GABRB1: variants seen among roughly 807,000 people sequenced by gnomAD.
The protein encoded by GABRB1 is gamma-aminobutyric acid receptor subunit beta-1.
Under a neutral mutation model 51.6 loss-of-function variants are expected in GABRB1, and 17 were observed. The observed-to-expected ratio is 0.33, with a 90% CI of 0.23 to 0.49. The LOEUF (loss-of-function observed/expected upper bound fraction) is 0.49, where lower values mean the gene tolerates loss of function less well. Among genes scored for constraint, GABRB1 ranks in the 20% least tolerant of loss-of-function variants. The probability of loss-of-function intolerance (pLI) is 0.99; values close to 1 mark genes in which losing one functional copy is unlikely to be tolerated. For synonymous variants in GABRB1, 247 were observed against 218.9 expected (o/e 1.13, Z -1.14); for missense variants, 410 against 600.6 (o/e 0.68, Z 3.32).
At position 47,350,084 on chromosome 4, in the gene GABRB1, G is replaced by A. The variant is rs545113351; in HGVS notation, c.544+29875G>A. 4.6e-5 allele frequency among the ~76,000 whole-genome samples: 7 copies of A among 150,582 alleles called. No individual in the cohort carries two copies. The South Asian group carries it at 1.5e-3, about 32-fold the overall frequency. Reference sequence around the variant, plus strand: ...AAAGTGACTGCAATATGCTTTATTGGTCTCAGATAAATTAATATTTGAAAA... The same window carrying A: ...AAAGTGACTGCAATATGCTTTATTGATCTCAGATAAATTAATATTTGAAAA... On this transcript the variant is annotated intron_variant, in intron 5 of 8. Coordinates refer to ENST00000295454, the MANE Select transcript of GABRB1 (RefSeq NM_000812.4).
chr4:47,297,816 T>G (rs1478687454), intron 4 of GABRB1, among the ~76,000 whole-genome samples: 1 of 152,138 alleles, frequency 6.6e-6, no homozygotes, highest in East Asian at 1.9e-4. Context: ...AAAAGAGAAT[T>G]TTAGACCAAT....
chr4:47,090,863 T>C (rs932142977), intron 3 of GABRB1, among the ~76,000 whole-genome samples: 5 of 152,184 alleles, frequency 3.3e-5, no homozygotes, highest in African/African-American at 1.2e-4. Flanking sequence ...ACTTCCCTAC[T>C]CTTCTTTCAT....
At chr4:47,334,954 A>C (rs1445526526) in intron 5 of GABRB1, among the ~76,000 whole-genome samples, 1 of 152,162 alleles carries the variant, frequency 6.6e-6, no homozygotes, top group Non-Finnish European at 1.5e-5. Context: ...ATCTTTTTGT[A>C]ATATCTTCCT....
chr4:47,343,528 G>T (rs748013159), intron 5 of GABRB1, among the ~76,000 whole-genome samples: 3 of 152,258 alleles, frequency 2.0e-5, no homozygotes, highest in Non-Finnish European at 4.4e-5. Context: ...TTCCAAATTT[G>T]TTGAATGCTG....
rs1274533974 is a variant in GABRB1 at position 47,374,771 on chromosome 4, A to T, written c.545-28547A>T. ...TGAAGGCAAGTTTTTTTTTCCCCAC[A>T]GAGTGTATGCAAGATCTGTACACAT... On this transcript the variant is annotated intron_variant, in intron 5 of 8. Transcript: ENST00000295454. 5.3e-5 allele frequency among the ~76,000 whole-genome samples: 8 copies of T among 152,236 alleles called. No individual in the cohort carries two copies. In the East Asian group the frequency reaches 1.5e-3, roughly 29 times the overall value.
chr4:47,064,615 G>A (rs1472356914), intron 3 of GABRB1, among the ~76,000 whole-genome samples: 2 of 107,702 alleles, frequency 1.9e-5, no homozygotes, highest in Non-Finnish European at 3.4e-5. Context: ...TCCAGCCTGG[G>A]AAATAAGAGC....
chr4:47,062,616 C>T (rs1181612717), intron 3 of GABRB1, among the ~76,000 whole-genome samples: 1 of 151,866 alleles, frequency 6.6e-6, no homozygotes, highest in Non-Finnish European at 1.5e-5. Flanking sequence ...TAACTCTTTC[C>T]AATACATTCA....
chr4:47,116,179 A>G (rs1577921393), intron 3 of GABRB1, among the ~76,000 whole-genome samples: 1 of 152,316 alleles, frequency 6.6e-6, no homozygotes, highest in African/African-American at 2.4e-5. Flanking sequence ...ACAACTAGTT[A>G]CTTAATGCAG....
rs1289218229 is a variant in GABRB1 at position 47,260,697 on chromosome 4, CT to C, written c.462-59429del. 9.2e-5 allele frequency among the ~76,000 whole-genome samples: 14 copies of C among 152,294 alleles called. 1 individual carries two copies. The South Asian group carries it at 2.7e-3, about 29-fold the overall frequency. The stretch of plus-strand genomic sequence containing the variant: ...TGTAGAGTTTCTGCCAAGAGATCCG[CT>C]GTTAGTCTGATGGGCTTCGATACCA... On this transcript the variant is annotated intron_variant, in intron 4 of 8. Transcript: ENST00000295454.
chr4:47,201,658 T>A (rs1719901543), intron 4 of GABRB1, among the ~76,000 whole-genome samples: 1 of 152,162 alleles, frequency 6.6e-6, no homozygotes, highest in South Asian at 2.1e-4. Flanking sequence ...ATATGTTTTA[T>A]TATTATGCCT....
chr4:47,205,589 C>A (rs1405399791), intron 4 of GABRB1, among the ~76,000 whole-genome samples: 2 of 152,138 alleles, frequency 1.3e-5, no homozygotes. Flanking sequence ...AGGGATAGTT[C>A]TGTAGGTCAT....
chr4:47,015,802 T>C (rs1236799461), intron 1 of GABRB1, among the ~76,000 whole-genome samples: 1 of 152,240 alleles, frequency 6.6e-6, no homozygotes, highest in Non-Finnish European at 1.5e-5. Context: ...CTGCAAATAT[T>C]TATTCATTTT....
chr4:47,409,312 C>A (rs1728681267), intron 8 of GABRB1, among the ~76,000 whole-genome samples: 1 of 152,100 alleles, frequency 6.6e-6, no homozygotes, highest in South Asian at 2.1e-4. Flanking sequence ...GTCACATGGA[C>A]AAGTTGAAGG....
intron 4 of GABRB1, among the ~76,000 whole-genome samples, chr4:47,227,500 AATTAGATAGAG>A (rs1387040711): frequency 2.6e-5 from 4 of 152,174 alleles, no homozygotes; most frequent in Non-Finnish European, 5.9e-5. Flanking sequence ...AAGGAGGAAG[AATTAGATAGAG>A]AATCTGAACT....
At chr4:47,243,290 G>T (rs943147200) in intron 4 of GABRB1, among the ~76,000 whole-genome samples, 1 of 152,054 alleles carries the variant, frequency 6.6e-6, no homozygotes, top group Admixed American at 6.6e-5. Context: ...GTTACTGTAG[G>T]CTTGTAGTAT....
rs11728647 is a variant in GABRB1 at position 47,184,200 on chromosome 4, A to T, written c.461+22731A>T. The stretch of plus-strand genomic sequence containing the variant: ...GAAGGAAATCATTCTTTCTGTCTAT[A>T]ACTCTGCCAGTCTGCCAAAACAGCC... On this transcript the variant is annotated intron_variant, in intron 4 of 8. Coordinates refer to ENST00000295454, the MANE Select transcript of GABRB1 (RefSeq NM_000812.4). Among the ~76,000 whole-genome samples the T allele has an allele frequency of 2.0e-5, 3 of 151,632 alleles. No individual in the cohort carries two copies. In the South Asian group the frequency reaches 6.2e-4, roughly 31 times the overall value.
chr4:47,027,613 C>T (rs1725142053), upstream of GABRB1, among the ~76,000 whole-genome samples: 1 of 150,896 alleles, frequency 6.6e-6, no homozygotes, highest in Non-Finnish European at 1.5e-5. Flanking sequence ...TGAAGTGGTG[C>T]CATTCCTATT....
chr4:47,408,532 T>G (rs1728651227), intron 8 of GABRB1, among the ~76,000 whole-genome samples: 2 of 152,210 alleles, frequency 1.3e-5, no homozygotes, highest in South Asian at 2.1e-4. Context: ...TCAAATAAAC[T>G]TCTACCTTTG....
intron 4 of GABRB1, among the ~76,000 whole-genome samples, chr4:47,263,315 A>G (rs1039466369): frequency 7.2e-5 from 11 of 152,146 alleles, no homozygotes; most frequent in Admixed American, 3.3e-4. Flanking sequence ...GGATGCAAGG[A>G]GGATTACCTT....
Sources: allele counts gnomAD v4.1 joint callset (sites outside exome capture counted in the v4.1 genomes callset), GRCh38; gene constraint gnomAD v4.1.1; transcripts MANE v1.5; gene names NCBI Gene and HGNC (gene_info 2026-07-23, HGNC 2026-07-21).